Variants in RTEL1 observed in about 807,000 individuals in gnomAD.
RTEL1 encodes regulator of telomere length.
A neutral mutation model predicts 162.2 loss-of-function variants in RTEL1; 86 were observed. The ratio of observed to expected loss-of-function variants is 0.53; its 90% CI spans 0.45 to 0.63. RTEL1 has a LOEUF of 0.63. Among genes scored for constraint, RTEL1 ranks in the 30% least tolerant of loss-of-function variants. The probability of loss-of-function intolerance (pLI) is 0.00; values close to 1 mark genes in which losing one functional copy is unlikely to be tolerated. For synonymous variants in RTEL1, 958 were observed against 717.9 expected (o/e 1.33, Z -5.35); for missense variants, 1,941 against 1,750.2 (o/e 1.11, Z -1.95).
Position 63,696,103 on chromosome 20 carries a change from A to G in RTEL1, c.*245A>G. The G allele has an allele frequency of 1.8e-6, 1 of 553,246 alleles. No homozygotes were observed. The highest frequency in any genetic ancestry group is 3.2e-6 in the Non-Finnish European group (1 of 310,982). The allele number at this position is 553,246 out of a possible 1,614,324, so 34.3% of individuals were successfully genotyped here. On this transcript the variant is annotated 3_prime_UTR_variant, in exon 35 of 35. Transcript: ENST00000360203. ...GTTTCTGGGAAAGTGCTTCCCCAGA[A>G]CTTCCCTGGCTCCTGGCCTGTGAGT...
intron 28 of RTEL1, chr20:63,692,144 A>G (rs2090762035): frequency 1.2e-5 from 4 of 338,850 alleles, no homozygotes; most frequent in African/African-American, 8.6e-5. Context: ...TGTGAGGGAC[A>G]CAGCCCATTC....
intron 13 of RTEL1, among the ~76,000 whole-genome samples, 161 bp from the exon 14 acceptor site, chr20:63,680,503 T>G (rs2090457433): frequency 6.6e-6 from 1 of 152,216 alleles, no homozygotes; most frequent in Non-Finnish European, 1.5e-5. Context: ...GCAGGCGAAC[T>G]GCCCGCCCTG....
At position 63,688,313 on chromosome 20, in the gene RTEL1, G is replaced by A. The variant is rs765499822; in HGVS notation, c.1649G>A (p.Arg550His). ...CCTGCACTTCCAGGCAACATCGCCC[G>A]CGTGGTGCCCTATGGGCTCCTGATC... ...SLGKALGNIA[R>H]VVPYGLLIFF... Residue 550 changes from arginine (R) to histidine (H), a missense_variant, in exon 20 of 35, where the codon CGC becomes CAC. By Grantham distance (29) the Arg-to-His change is conservative. Coordinates refer to ENST00000360203, the MANE Select transcript of RTEL1 (RefSeq NM_001283009.2). 9.3e-6 allele frequency: 15 copies of A among 1,612,372 alleles called. No individual in the cohort carries two copies. The highest frequency in any genetic ancestry group is 1.3e-5 in the Non-Finnish European group (15 of 1,179,938).
rs1422897738 is a variant in RTEL1 at position 63,668,091 on chromosome 20, G to A, written c.699+538G>A. Among the ~76,000 whole-genome samples the A allele has an allele frequency of 3.4e-4, 41 of 119,830 alleles. 1 individual carries two copies. Among genetic ancestry groups the A allele is most frequent in the Admixed American group, 2.5e-3 (30 of 12,092 alleles). 78.6% of individuals were successfully genotyped at this position (119,830 alleles called of 152,430 possible). A position where few individuals can be genotyped will look rare whatever the true frequency, so the allele number is the denominator to read the frequency against. ...GCCCAGCCCCACTCCCTTCCGCCCC[G>A]TGTGCCCAGCCCCACGCTCACTCCC... On this transcript the variant is annotated intron_variant, in intron 8 of 34. Transcript: ENST00000360203. The surrounding 1 kb of genome is among the most constrained non-coding windows in gnomAD (Gnocchi z 4.3).
At chr20:63,688,705 C>T (rs2090653089) in intron 21 of RTEL1, 100 bp downstream of exon 21, 19 of 1,088,920 alleles carry the variant, frequency 1.7e-5, no homozygotes, top group East Asian at 1.0e-4. Context: ...CCATGGGCTC[C>T]GGCGGCTCCC....
rs566149913 is a variant in RTEL1, at chr20:63,682,277, G to A, written c.1191+1558G>A. ...ACTCTGGAACCGAATCCTGGAACGC[G>A]GCCTCCCAGGCCCCCAGCTATGGAG... On this transcript the variant is annotated intron_variant, in intron 14 of 34. Transcript: ENST00000360203. The A allele has an allele frequency of 5.1e-6, 5 of 984,928 alleles. No individual in the cohort carries two copies. In the East Asian group the frequency reaches 3.4e-4, roughly 67 times the overall value. 61.0% of individuals were successfully genotyped at this position (984,928 alleles called of 1,614,324 possible). A position where few individuals can be genotyped will look rare whatever the true frequency, so the allele number is the denominator to read the frequency against.
intron 14 of RTEL1, among the ~76,000 whole-genome samples, chr20:63,685,217 CT>C (rs1161121770): frequency 6.6e-6 from 1 of 152,140 alleles, no homozygotes; most frequent in Admixed American, 6.5e-5. Flanking sequence ...ATTTGGGGCC[CT>C]CAGGGGCACA....
intron 16 of RTEL1, chr20:63,686,778 A>G: frequency 6.4e-6 from 1 of 155,246 alleles, no homozygotes; most frequent in East Asian, 1.8e-4. Context: ...TCCCGGGGGG[A>G]GGCCGGCGCC....
chr20:63,672,043 C>A (rs1051066285), intron 8 of RTEL1, among the ~76,000 whole-genome samples: 1 of 150,816 alleles, frequency 6.6e-6, no homozygotes. Context: ...ACCACCACCC[C>A]CTGCTAATTT....
chr20:63,676,202 G>C (rs1050210690), intron 10 of RTEL1, among the ~76,000 whole-genome samples: 1 of 151,986 alleles, frequency 6.6e-6, no homozygotes, highest in Non-Finnish European at 1.5e-5. Context: ...CTCCTGCCTC[G>C]GCCTCCCAAG....
intron 30 of RTEL1, 149 bp downstream of exon 30, chr20:63,693,432 A>ACCTCCACCT (rs2090822454): frequency 8.3e-6 from 7 of 841,960 alleles, no homozygotes; most frequent in African/African-American, 1.8e-5. Context: ...CTCCACCTCC[A>ACCTCCACCT]CCACCAGCAC....
intron 12 of RTEL1, 150 bp downstream of exon 12, chr20:63,678,496 C>A: frequency 1.4e-6 from 1 of 706,546 alleles, no homozygotes. Flanking sequence ...ACCTGCTTTG[C>A]ATGATCTGGT....
In RTEL1 at chr20:63,680,729, G is replaced by T; in HGVS notation, c.1191+10G>T. On this transcript the variant is annotated intron_variant, in intron 14 of 34. Transcript: ENST00000360203. ...GGCGGACATTATCCAGGTGGGGCCT[G>T]CTCCTCTGTGGCATCTCCTTCCCTG... 1 of 1,613,312 alleles carries T rather than the reference G, an allele frequency of 6.2e-7. No individual in the cohort carries two copies. The highest frequency in any genetic ancestry group is 8.5e-7 in the Non-Finnish European group (1 of 1,179,932).
chr20:63,662,076 G>C lies in RTEL1; in HGVS notation c.395+133G>C, dbSNP rs2146151536. 44 of 734,808 alleles carry C rather than the reference G, an allele frequency of 6.0e-5. No homozygotes were observed. In the South Asian group the frequency reaches 7.5e-4, roughly 12 times the overall value. 45.5% of individuals were successfully genotyped at this position (734,808 alleles called of 1,614,324 possible). A position where few individuals can be genotyped will look rare whatever the true frequency, so the allele number is the denominator to read the frequency against. On this transcript the variant is annotated intron_variant, in intron 4 of 34. Coordinates refer to ENST00000360203, the MANE Select transcript of RTEL1 (RefSeq NM_001283009.2). Reference sequence around the variant, plus strand: ...TCTAGACGCTCCCCCGAAGTGTGCAGAGCGCTGGTGCCCAGGGGTGGGGTG... The same window carrying C: ...TCTAGACGCTCCCCCGAAGTGTGCACAGCGCTGGTGCCCAGGGGTGGGGTG...
Position 63,659,367 on chromosome 20 carries a change from C to T in RTEL1, c.-36C>T, listed in dbSNP as rs372129544. The T allele has an allele frequency of 6.6e-6, 10 of 1,513,436 alleles. No homozygotes were observed. In the East Asian group the frequency reaches 9.0e-5, roughly 14 times the overall value. The allele number at this position is 1,513,436 out of a possible 1,614,324, so 93.8% of individuals were successfully genotyped here. A position where few individuals can be genotyped will look rare whatever the true frequency, so the allele number is the denominator to read the frequency against. Reference sequence around the variant, plus strand: ...GCACAGACCCGAATAGCCTGCCCCTCAGCCACGCTCTGTGCCCTTCTGAGA... The same window carrying T: ...GCACAGACCCGAATAGCCTGCCCCTTAGCCACGCTCTGTGCCCTTCTGAGA... On this transcript the variant is annotated 5_prime_UTR_variant, in exon 2 of 35. Coordinates refer to ENST00000360203, the MANE Select transcript of RTEL1 (RefSeq NM_001283009.2).
At chr20:63,659,768 A>G (rs920579375) in intron 2 of RTEL1, among the ~76,000 whole-genome samples, 4 of 151,944 alleles carry the variant, frequency 2.6e-5, no homozygotes, top group Non-Finnish European at 5.9e-5. Context: ...AATAAGACAC[A>G]GAGACAAAGT....
rs1257413824 is a variant in RTEL1, at chr20:63,662,663, G to A, written c.477+36G>A. 32 of 1,612,438 alleles carry A rather than the reference G, an allele frequency of 2.0e-5. No homozygotes were observed. The East Asian group carries it at 2.5e-4, about 12-fold the overall frequency. On this transcript the variant is annotated intron_variant, in intron 5 of 34. Transcript: ENST00000360203. ...GGGCTCCCGCTCCGGCTCAGTGTCC[G>A]ACAGGCGAGTGCTGCTGGGTGTCCA...
Position 63,695,392 on chromosome 20 carries a change from G to A in RTEL1, c.3564G>A (p.Arg1188=), listed in dbSNP as rs751837255. ...QSKISSFLRQ[R]PAGTVGAGGE... ...AGATCTCGTCCTTCCTTAGACAGAGGCCAGCAGGGACTGTGGGGGCGGGCG... is the reference window on the plus strand; with the variant it reads ...AGATCTCGTCCTTCCTTAGACAGAGACCAGCAGGGACTGTGGGGGCGGGCG... Residue 1188 remains arginine, a synonymous_variant, in exon 34 of 35, where the codon AGG becomes AGA. Transcript: ENST00000360203. 42 of 1,556,842 alleles carry A rather than the reference G, an allele frequency of 2.7e-5. No homozygotes were observed. The highest frequency in any genetic ancestry group is 9.8e-5 in the South Asian group (8 of 81,700).
intron 5 of RTEL1, 23 bp from the exon 6 acceptor site, chr20:63,662,806 G>A (rs748124524): frequency 2.0e-5 from 33 of 1,613,336 alleles, no homozygotes; most frequent in Middle Eastern, 3.3e-4. Context: ...CTTCAGCTGC[G>A]CACTCTGCCC....
Sources: gnomAD v4.1 joint callset for allele counts (sites outside exome capture counted in the v4.1 genomes callset) on GRCh38, gnomAD v4.1.1 for gene constraint, Gnocchi (gnomAD v3.1) non-coding constraint, MANE v1.5 for transcripts, NCBI Gene and HGNC (gene_info 2026-07-23, HGNC 2026-07-21) for gene names.